CCNE2: variants seen among roughly 807,000 people sequenced by gnomAD.
CCNE2 encodes the protein G1/S-specific cyclin-E2.
A neutral mutation model predicts 56.8 loss-of-function variants in CCNE2; 18 were observed. The ratio of observed to expected loss-of-function variants is 0.32; its 90% CI spans 0.22 to 0.47. CCNE2 has a LOEUF of 0.47. Among genes scored for constraint, CCNE2 ranks in the 20% least tolerant of loss-of-function variants. The probability of loss-of-function intolerance (pLI) is 1.00; values close to 1 mark genes in which losing one functional copy is unlikely to be tolerated. For missense variants in CCNE2, 371 were observed against 467.1 expected (o/e 0.79, Z 1.90); for synonymous variants, 139 against 149.2 (o/e 0.93, Z 0.50).
Position 94,880,794 on chromosome 8 carries a change from GA to G in CCNE2, c.*837del. The G allele has an allele frequency of 2.5e-6, 1 of 398,394 alleles. No individual in the cohort carries two copies. The highest frequency in any genetic ancestry group is 4.4e-6 in the Non-Finnish European group (1 of 225,756). The allele number at this position is 398,394 out of a possible 1,614,324, so 24.7% of individuals were successfully genotyped here. A position where few individuals can be genotyped will look rare whatever the true frequency, so the allele number is the denominator to read the frequency against. On this transcript the variant is annotated 3_prime_UTR_variant, in exon 12 of 12. Coordinates refer to ENST00000308108, the MANE Select transcript of CCNE2 (RefSeq NM_057749.3). ...AAAAAAATTCCTTAGGGATATCTTA[GA>G]GTAGTAAAGTGACTTCCTCATATAA...
In CCNE2 at chr8:94,880,255, TTTA is replaced by T. The variant is rs1816755368; in HGVS notation, c.*1374_*1376del. The T allele has an allele frequency of 2.2e-6, 3 of 1,340,980 alleles. No individual in the cohort carries two copies. In the South Asian group the frequency reaches 3.7e-5, roughly 17 times the overall value. The allele number at this position is 1,340,980 out of a possible 1,614,324, so 83.1% of individuals were successfully genotyped here. On this transcript the variant is annotated 3_prime_UTR_variant, in exon 12 of 12. Coordinates refer to ENST00000308108, the MANE Select transcript of CCNE2 (RefSeq NM_057749.3). ...TTTAAGCAGTTAAATTTTTTTAACTTTTATTTTTTAAACAATGGGCTAAAAATA... is the reference window on the plus strand; with the variant it reads ...TTTAAGCAGTTAAATTTTTTTAACTTTTTTTTAAACAATGGGCTAAAAATA...
Position 94,882,162 on chromosome 8 carries a change from G to C in CCNE2, c.1071C>G (p.Ile357Met). Residue 357 changes from isoleucine (I) to methionine (M), a missense_variant, in exon 11 of 12, where the codon ATC (isoleucine) becomes ATG (methionine). By Grantham distance (10) the Ile-to-Met change is conservative (BLOSUM62 1). Coordinates refer to ENST00000308108, the MANE Select transcript of CCNE2 (RefSeq NM_057749.3). Reference protein sequence around the residue: ...KKIPMEDRHNIQTHTNYLAML... With the variant: ...KKIPMEDRHNMQTHTNYLAML... ...TAGCCAAATAGTTTGTATGTGTCTGGATATTATGTCTGTCTTCCATAGGAA... is the reference window on the plus strand; with the variant it reads ...TAGCCAAATAGTTTGTATGTGTCTGCATATTATGTCTGTCTTCCATAGGAA... 6.2e-7 allele frequency: 1 copy of C among 1,612,482 alleles called. No individual in the cohort carries two copies. Among genetic ancestry groups the C allele is most frequent in the Non-Finnish European group, 8.5e-7 (1 of 1,179,404 alleles).
At chr8:94,889,661 G>A (rs539871573) in intron 6 of CCNE2, among the ~76,000 whole-genome samples, 11 of 152,138 alleles carry the variant, frequency 7.2e-5, no homozygotes, top group Non-Finnish European at 8.8e-5. Flanking sequence ...AAAGTCTATG[G>A]TCTTTTTCCC....
At chr8:94,893,069 T>A (rs1817303332) in intron 4 of CCNE2, 100 bp from the exon 5 acceptor site, 1 of 927,272 alleles carries the variant, frequency 1.1e-6, no homozygotes, top group Admixed American at 3.6e-5. Context: ...TAAAGAATCA[T>A]AATTTTAGCT....
chr8:94,883,002 G>A (rs1015420929), intron 9 of CCNE2, 110 bp from the exon 10 acceptor site: 11 of 678,560 alleles, frequency 1.6e-5, no homozygotes, highest in Non-Finnish European at 2.0e-5. Context: ...CCGGCCAGGC[G>A]CGGTGGCTCA....
chr8:94,888,050 A>C lies in CCNE2; in HGVS notation c.477T>G (p.His159Gln). 6.3e-7 allele frequency: 1 copy of C among 1,584,164 alleles called. No individual in the cohort carries two copies. The highest frequency in any genetic ancestry group is 8.6e-7 in the Non-Finnish European group (1 of 1,164,388). ...CTTGTGCAAGATAAAATGTTTCCCT[A>C]TGAAGTGTGTATACTTCACATACCT... ...LLEVCEVYTLHRETFYLAQDF... is the reference protein window; with the variant it reads ...LLEVCEVYTLQRETFYLAQDF... The change falls in exon 7 of 12, where the codon CAT becomes CAG. Residue 159 changes from histidine (H) to glutamine (Q), a missense_variant. Transcript: ENST00000308108.
intron 5 of CCNE2, among the ~76,000 whole-genome samples, 165 bp from the exon 6 acceptor site, chr8:94,890,715 C>T (rs1171008666): frequency 2.0e-5 from 3 of 151,500 alleles, no homozygotes; most frequent in Non-Finnish European, 4.4e-5. Flanking sequence ...GCCTCAGCCT[C>T]CCAAGTAGCT....
intron 7 of CCNE2, 111 bp from the exon 8 acceptor site, chr8:94,885,669 G>C: frequency 2.3e-6 from 1 of 429,098 alleles, no homozygotes; most frequent in South Asian, 5.0e-5. Context: ...CATTTAAGTA[G>C]AAAGTGCATT....
At chr8:94,888,541 G>A (rs1053362872) in intron 6 of CCNE2, among the ~76,000 whole-genome samples, 21 of 144,120 alleles carry the variant, frequency 1.5e-4, no homozygotes, top group South Asian at 6.6e-4. Flanking sequence ...ATATACCAGA[G>A]TTTTTTTTTT....
At chr8:94,891,360 T>A (rs926088938) in intron 5 of CCNE2, 1 of 249,838 alleles carries the variant, frequency 4.0e-6, no homozygotes, top group Non-Finnish European at 8.1e-6. Flanking sequence ...GGTATGCATA[T>A]ATGAAAAACC....
At position 94,881,405 on chromosome 8, in the gene CCNE2, A is replaced by T; in HGVS notation, c.*227T>A. The T allele has an allele frequency of 1.9e-6, 1 of 531,874 alleles. No individual in the cohort carries two copies. The highest frequency in any genetic ancestry group is 3.3e-6 in the Non-Finnish European group (1 of 303,210). The allele number at this position is 531,874 out of a possible 1,614,324, so 32.9% of individuals were successfully genotyped here. A position where few individuals can be genotyped will look rare whatever the true frequency, so the allele number is the denominator to read the frequency against. On this transcript the variant is annotated 3_prime_UTR_variant, in exon 12 of 12. Transcript: ENST00000308108. The stretch of plus-strand genomic sequence containing the variant: ...CTATCCAGTAACCTTGGGAATGAAG[A>T]CATCTTTGTAAACAAGTCCTGCTGT...
chr8:94,886,436 G>C (rs376432217), intron 7 of CCNE2, among the ~76,000 whole-genome samples: 8 of 152,200 alleles, frequency 5.3e-5, no homozygotes, highest in African/African-American at 1.4e-4. Flanking sequence ...GTGCAGTGCA[G>C]CAGCTCACAC....
intron 6 of CCNE2, among the ~76,000 whole-genome samples, chr8:94,888,368 C>T (rs969693577): frequency 2.0e-5 from 3 of 152,032 alleles, no homozygotes; most frequent in Non-Finnish European, 4.4e-5. Flanking sequence ...AAATCTTATC[C>T]CTTGTTTCTG....
chr8:94,883,602 C>T, intron 9 of CCNE2: 1 of 243,254 alleles, frequency 4.1e-6, no homozygotes, highest in South Asian at 5.2e-5. Flanking sequence ...GATTGGATCA[C>T]AAAGGGTCTT....
At chr8:94,891,323 A>G (rs142474623) in intron 5 of CCNE2, 98 of 229,656 alleles carry the variant, frequency 4.3e-4, no homozygotes, top group African/African-American at 2.1e-3. Context: ...CTGTAAGAAC[A>G]CTCGTGAAAC....
intron 7 of CCNE2, 143 bp from the exon 8 acceptor site, chr8:94,885,701 G>C: frequency 2.7e-6 from 1 of 372,838 alleles, no homozygotes. Flanking sequence ...GGAGAAATAA[G>C]CAAAGACAAA....
chr8:94,884,732 A>G (rs1214646090), intron 9 of CCNE2: 1 of 171,716 alleles, frequency 5.8e-6, no homozygotes, highest in African/African-American at 2.4e-5. Flanking sequence ...TGTGTATCCA[A>G]ATGTAAAGAC....
At chr8:94,891,933 A>G (rs993065292) in intron 5 of CCNE2, 5 of 1,188,952 alleles carry the variant, frequency 4.2e-6, no homozygotes, top group Admixed American at 1.7e-5. Flanking sequence ...CGATGTGCCA[A>G]CGGACCTACA....
intron 6 of CCNE2, 127 bp from the exon 7 acceptor site, chr8:94,888,200 GA>G: frequency 1.1e-5 from 6 of 566,064 alleles, no homozygotes; most frequent in Non-Finnish European, 1.5e-5. Flanking sequence ...GATAGGAAAG[GA>G]AAAAAAGAAA....
Sources: allele counts gnomAD v4.1 joint callset (sites outside exome capture counted in the v4.1 genomes callset), GRCh38; gene constraint gnomAD v4.1.1; transcripts MANE v1.5; gene names NCBI Gene and HGNC (gene_info 2026-07-23, HGNC 2026-07-21).